CCSER1: variants seen among roughly 807,000 people sequenced by gnomAD.
CCSER1 encodes the protein serine-rich coiled-coil domain-containing protein 1.
In CCSER1, 41 loss-of-function variants were observed where a neutral mutation model predicts 82.0. That is an observed-to-expected ratio of 0.50 (90% CI 0.39 to 0.65). CCSER1 has a LOEUF of 0.65. Among genes scored for constraint, CCSER1 ranks in the 30% least tolerant of loss-of-function variants. CCSER1 has a pLI of 0.00. For missense variants in CCSER1, 1,119 were observed against 1,064.2 expected, an observed-to-expected ratio of 1.05 and a Z score of -0.72; for synonymous variants, 414 against 383.9, an observed-to-expected ratio of 1.08 and a Z score of -0.92.
intron 9 of CCSER1, among the ~76,000 whole-genome samples, chr4:90,997,325 T>G (rs946339742): frequency 6.6e-6 from 1 of 152,178 alleles, no homozygotes; most frequent in African/African-American, 2.4e-5. Flanking sequence ...CTCTCACCTC[T>G]GCTTCTGTTG....
chr4:91,124,046 G>T (rs1727302521), intron 10 of CCSER1, among the ~76,000 whole-genome samples: 1 of 151,680 alleles, frequency 6.6e-6, no homozygotes, highest in Non-Finnish European at 1.5e-5. Context: ...TGCCTTATAT[G>T]ATTGTATGTT....
At chr4:90,386,283 T>C (rs1453913425) in intron 3 of CCSER1, among the ~76,000 whole-genome samples, 1 of 152,132 alleles carries the variant, frequency 6.6e-6, no homozygotes, top group Non-Finnish European at 1.5e-5. Flanking sequence ...CCAAAGAGTA[T>C]GGTACTGGTA....
At chr4:90,944,445 T>C (rs1161712908) in intron 9 of CCSER1, among the ~76,000 whole-genome samples, 1 of 152,080 alleles carries the variant, frequency 6.6e-6, no homozygotes, top group East Asian at 1.9e-4. Flanking sequence ...CTTAAGGAAC[T>C]CAGATGAAGC....
chr4:90,361,483 GA>G (rs1305949203), intron 3 of CCSER1, among the ~76,000 whole-genome samples: 1 of 152,200 alleles, frequency 6.6e-6, no homozygotes, highest in African/African-American at 2.4e-5. Context: ...AATTGACTTA[GA>G]AAACACTCTT....
intron 9 of CCSER1, among the ~76,000 whole-genome samples, chr4:90,941,112 T>C (rs1731530162): frequency 6.6e-6 from 1 of 152,066 alleles, no homozygotes; most frequent in Admixed American, 6.5e-5. Context: ...AGGTGTGAAA[T>C]GTATGAGTTA....
At chr4:90,802,821 A>G (rs1232690037) in intron 7 of CCSER1, among the ~76,000 whole-genome samples, 1 of 152,144 alleles carries the variant, frequency 6.6e-6, no homozygotes, top group East Asian at 1.9e-4. Flanking sequence ...AGAGCAGAAT[A>G]TATTGTCAAT....
At chr4:90,475,092 G>T (rs1303907537) in intron 5 of CCSER1, among the ~76,000 whole-genome samples, 1 of 152,028 alleles carries the variant, frequency 6.6e-6, no homozygotes, top group African/African-American at 2.4e-5. Context: ...TAAAATTCCT[G>T]TCTGAATCAT....
At position 91,599,657 on chromosome 4, in the gene CCSER1, T is replaced by C. The variant is rs908899619; in HGVS notation, c.*600T>C. 6.6e-6 allele frequency: 1 copy of C among 152,146 alleles called. No individual in the cohort carries two copies. The highest frequency in any genetic ancestry group is 1.5e-5 in the Non-Finnish European group (1 of 67,990). 9.4% of individuals were successfully genotyped at this position (152,146 alleles called of 1,614,324 possible). On this transcript the variant is annotated 3_prime_UTR_variant, in exon 11 of 11. Transcript: ENST00000509176. Reference sequence around the variant, plus strand: ...CTAGTAAGGGGGAAATGGCTGTATTTTTTTTCCTTTAAACGTTTAGTTCAT... The same window carrying C: ...CTAGTAAGGGGGAAATGGCTGTATTCTTTTTCCTTTAAACGTTTAGTTCAT...
At chr4:91,044,167 C>T (rs540796364) in intron 9 of CCSER1, among the ~76,000 whole-genome samples, 1 of 152,172 alleles carries the variant, frequency 6.6e-6, no homozygotes, top group East Asian at 1.9e-4. Context: ...AGGTAAAATC[C>T]CAGCACTTGC....
intron 5 of CCSER1, among the ~76,000 whole-genome samples, chr4:90,488,243 G>A (rs760395017): frequency 2.0e-4 from 30 of 152,148 alleles, no homozygotes; most frequent in African/African-American, 3.9e-4. Flanking sequence ...GTACAGTGGC[G>A]TGATCTCAGC....
intron 3 of CCSER1, among the ~76,000 whole-genome samples, chr4:90,389,570 A>G (rs1578229395): frequency 2.0e-5 from 3 of 152,186 alleles, no homozygotes; most frequent in South Asian, 4.1e-4. Flanking sequence ...TATTAGGTAA[A>G]TGAGATATTA....
chr4:90,429,865 G>A (rs531169679), intron 4 of CCSER1, among the ~76,000 whole-genome samples: 6 of 151,934 alleles, frequency 3.9e-5, no homozygotes, highest in Non-Finnish European at 8.9e-5. Context: ...TGTTTAGTTA[G>A]AGTGAAGGTA....
intron 10 of CCSER1, among the ~76,000 whole-genome samples, chr4:91,322,066 G>T (rs1746235834): frequency 6.6e-6 from 1 of 151,990 alleles, no homozygotes; most frequent in African/African-American, 2.4e-5. Context: ...ATGAATGAAT[G>T]AATTATTTAA....
At position 91,482,263 on chromosome 4, in the gene CCSER1, G is replaced by A. The variant is rs1186262038; in HGVS notation, c.2218-116309G>A. 9.8e-5 allele frequency among the ~76,000 whole-genome samples: 11 copies of A among 112,320 alleles called. No individual in the cohort carries two copies. In the South Asian group the frequency reaches 1.0e-3, roughly 10 times the overall value. 73.7% of individuals were successfully genotyped at this position (112,320 alleles called of 152,430 possible). A position where few individuals can be genotyped will look rare whatever the true frequency, so the allele number is the denominator to read the frequency against. ...TAAAAATACAAAAAATTAGCCGGGC[G>A]CGGTGGCAGGCACCTGTAGTCCCAG... On this transcript the variant is annotated intron_variant, in intron 10 of 10. Transcript: ENST00000509176.
chr4:90,562,819 T>G (rs1778931181), intron 5 of CCSER1, among the ~76,000 whole-genome samples: 1 of 148,994 alleles, frequency 6.7e-6, no homozygotes, highest in Admixed American at 6.7e-5. Flanking sequence ...ATTATAGGCT[T>G]GAGCCATCAT....
chr4:91,574,833 G>A (rs1455663786), intron 10 of CCSER1, among the ~76,000 whole-genome samples: 3 of 151,818 alleles, frequency 2.0e-5, no homozygotes, highest in Admixed American at 2.0e-4. Context: ...CCAAACCTTA[G>A]CATCACACAA....
intron 3 of CCSER1, among the ~76,000 whole-genome samples, chr4:90,334,280 G>T (rs1384053042): frequency 6.6e-6 from 1 of 152,132 alleles, no homozygotes; most frequent in African/African-American, 2.4e-5. Context: ...TATAATGAGG[G>T]TTTGGGTAGG....
intron 9 of CCSER1, among the ~76,000 whole-genome samples, chr4:91,001,616 C>A (rs186854229): frequency 6.6e-6 from 1 of 152,190 alleles, no homozygotes; most frequent in Admixed American, 6.5e-5. Context: ...ATGTCTTTTT[C>A]CACCCCTTTA....
chr4:90,857,220 A>C (rs902874554), intron 8 of CCSER1, among the ~76,000 whole-genome samples: 3 of 152,110 alleles, frequency 2.0e-5, no homozygotes, highest in African/African-American at 7.2e-5. Flanking sequence ...GCTGCATTCA[A>C]GCTGGCCTGC....
Sources: gnomAD v4.1 joint callset for allele counts (sites outside exome capture counted in the v4.1 genomes callset) on GRCh38, gnomAD v4.1.1 for gene constraint, MANE v1.5 for transcripts, NCBI Gene and HGNC (gene_info 2026-07-23, HGNC 2026-07-21) for gene names.